PTPRC: variants seen among roughly 807,000 people sequenced by gnomAD.
PTPRC encodes receptor-type tyrosine-protein phosphatase C.
In PTPRC, 44 loss-of-function variants were observed where a neutral mutation model predicts 155.9. That is an observed-to-expected ratio of 0.28 (90% CI 0.22 to 0.36). PTPRC has a LOEUF of 0.36. Among genes scored for constraint, PTPRC ranks in the 10% least tolerant of loss-of-function variants. The probability of loss-of-function intolerance (pLI) is 1.00; values close to 1 mark genes in which losing one functional copy is unlikely to be tolerated. For missense variants in PTPRC, 1,401 were observed against 1,564.6 expected (o/e 0.90, Z 1.76); for synonymous variants, 525 against 533.1 (o/e 0.98, Z 0.21).
intron 2 of PTPRC, among the ~76,000 whole-genome samples, chr1:198,667,354 T>C (rs1664379842): frequency 6.6e-6 from 1 of 152,224 alleles, no homozygotes; most frequent in Admixed American, 6.5e-5. Flanking sequence ...CTTTGGAATG[T>C]TTATCATGTC....
intron 11 of PTPRC, 94 bp downstream of exon 11, chr1:198,709,918 C>A: frequency 6.6e-7 from 1 of 1,508,282 alleles, no homozygotes; most frequent in Non-Finnish European, 9.0e-7. Context: ...TGTCTTTTTG[C>A]TGTTTTTGAT....
At chr1:198,696,191 G>C in intron 3 of PTPRC, among the ~76,000 whole-genome samples, 1 of 148,634 alleles carries the variant, frequency 6.7e-6, no homozygotes. Context: ...TATATAGATA[G>C]ATATTTTTTC....
chr1:198,696,389 A>G (rs1666205779), intron 3 of PTPRC, among the ~76,000 whole-genome samples: 1 of 151,992 alleles, frequency 6.6e-6, no homozygotes, highest in Admixed American at 6.6e-5. Flanking sequence ...TGGATAGGCG[A>G]GAAGCTGCTT....
chr1:198,705,743 T>C (rs533120843), intron 8 of PTPRC, among the ~76,000 whole-genome samples: 1 of 152,246 alleles, frequency 6.6e-6, no homozygotes, highest in South Asian at 2.1e-4. Flanking sequence ...TGTAAACACA[T>C]ACTGTTCCTT....
Position 198,702,443 on chromosome 1 carries a change from T to C in PTPRC, c.496T>C (p.Leu166=), listed in dbSNP as rs1666509142. The C allele has an allele frequency of 6.2e-7, 1 of 1,614,028 alleles. No individual in the cohort carries two copies. The highest frequency in any genetic ancestry group is 1.3e-5 in the African/African-American group (1 of 74,904). Residue 166 remains leucine (L), a synonymous_variant, in exon 6 of 33, where the codon TTG becomes CTG. Transcript: ENST00000442510. ...CTTTCCTACAGACCCAGTTTCCCCATTGACAACCACCCTCAGCCTTGCACA... is the reference window on the plus strand; with the variant it reads ...CTTTCCTACAGACCCAGTTTCCCCACTGACAACCACCCTCAGCCTTGCACA... The part of the protein sequence containing the change: ...STFPTDPVSP[L]TTTLSLAHHS...
At chr1:198,723,876 G>C (rs1360267549) in intron 15 of PTPRC, among the ~76,000 whole-genome samples, 1 of 152,148 alleles carries the variant, frequency 6.6e-6, no homozygotes, top group Non-Finnish European at 1.5e-5. Context: ...CATTCCAAAA[G>C]GAATCAGTAT....
chr1:198,717,159 T>C (rs1223831433), intron 13 of PTPRC, among the ~76,000 whole-genome samples: 1 of 152,252 alleles, frequency 6.6e-6, no homozygotes, highest in Non-Finnish European at 1.5e-5. Flanking sequence ...TTGTCTTTAC[T>C]ATCTGGAAAT....
chr1:198,665,753 G>A (rs1664258244), intron 2 of PTPRC, among the ~76,000 whole-genome samples: 1 of 152,108 alleles, frequency 6.6e-6, no homozygotes, highest in Non-Finnish European at 1.5e-5. Context: ...GTAGTACATG[G>A]TAACAAATGC....
chr1:198,703,258 G>A (rs755099109), intron 6 of PTPRC, 40 bp from the exon 7 acceptor site: 11 of 1,610,378 alleles, frequency 6.8e-6, no homozygotes, highest in Admixed American at 3.3e-5. Flanking sequence ...TTAATATAAC[G>A]AATTAATTAG....
At position 198,756,695 on chromosome 1, in the gene PTPRC, T is replaced by C. The variant is rs1655690632; in HGVS notation, c.*514T>C. Reference sequence around the variant, plus strand: ...TCTACTCATATATATCTATCTTATATAGTTTACTATTTTACTTCTAGAGAT... The same window carrying C: ...TCTACTCATATATATCTATCTTATACAGTTTACTATTTTACTTCTAGAGAT... On this transcript the variant is annotated 3_prime_UTR_variant, in exon 33 of 33. Coordinates refer to ENST00000442510, the MANE Select transcript of PTPRC (RefSeq NM_002838.5). The C allele has an allele frequency of 6.5e-6, 1 of 153,724 alleles. No homozygotes were observed. Among genetic ancestry groups the C allele is most frequent in the Non-Finnish European group, 1.4e-5 (1 of 69,384 alleles). 9.5% of individuals were successfully genotyped at this position (153,724 alleles called of 1,614,324 possible).
At chr1:198,680,287 T>C (rs1487271021) in intron 2 of PTPRC, among the ~76,000 whole-genome samples, 2 of 152,154 alleles carry the variant, frequency 1.3e-5, no homozygotes, top group African/African-American at 4.8e-5. Context: ...GCCCCGTCTC[T>C]ACTGAAAATA....
chr1:198,639,264 C>A lies in PTPRC; in HGVS notation c.-5C>A. 6.2e-7 allele frequency: 1 copy of A among 1,613,220 alleles called. No individual in the cohort carries two copies. The stretch of plus-strand genomic sequence containing the variant: ...GTTTCTTAGGGACACGGCTGACTTC[C>A]AGATATGACCATGTATTTGTGGCTT... On this transcript the variant is annotated 5_prime_UTR_variant, in exon 2 of 33. Coordinates refer to ENST00000442510, the MANE Select transcript of PTPRC (RefSeq NM_002838.5).
rs754320326 is a variant in PTPRC at position 198,757,357 on chromosome 1, T to C, written c.*1176T>C. 2 of 151,834 alleles carry C rather than the reference T, an allele frequency of 1.3e-5. No individual in the cohort carries two copies. Among genetic ancestry groups the C allele is most frequent in the Non-Finnish European group, 2.9e-5 (2 of 67,812 alleles). 9.4% of individuals were successfully genotyped at this position (151,834 alleles called of 1,614,324 possible). A position where few individuals can be genotyped will look rare whatever the true frequency, so the allele number is the denominator to read the frequency against. On this transcript the variant is annotated 3_prime_UTR_variant, in exon 33 of 33. Coordinates refer to ENST00000442510, the MANE Select transcript of PTPRC (RefSeq NM_002838.5). ...ATATGTTTAATGCATTTATTAACAT[T>C]TGCAGGACACTTTTACAGGCCCCAA...
intron 12 of PTPRC, 134 bp downstream of exon 12, chr1:198,713,206 T>C: frequency 1.6e-6 from 2 of 1,250,482 alleles, no homozygotes; most frequent in Non-Finnish European, 2.2e-6. Flanking sequence ...CTCCCTGATC[T>C]TAGAATTGCT....
At chr1:198,663,220 T>C (rs925053230) in intron 2 of PTPRC, among the ~76,000 whole-genome samples, 3 of 152,242 alleles carry the variant, frequency 2.0e-5, no homozygotes, top group East Asian at 1.9e-4. Flanking sequence ...TGAGTACACC[T>C]GCTTCCCTCT....
chr1:198,693,948 A>C, intron 3 of PTPRC: 1 of 1,478,320 alleles, frequency 6.8e-7, no homozygotes, highest in Admixed American at 2.3e-5. Context: ...CAGAACTAAT[A>C]GGTTAGATGT....
intron 2 of PTPRC, among the ~76,000 whole-genome samples, chr1:198,640,767 A>G (rs1344798855): frequency 1.3e-5 from 2 of 152,006 alleles, no homozygotes; most frequent in African/African-American, 2.4e-5. Context: ...TTTGTAAGCC[A>G]GAATATTTTT....
chr1:198,710,862 G>A (rs1207194100), intron 11 of PTPRC, among the ~76,000 whole-genome samples: 4 of 152,138 alleles, frequency 2.6e-5, no homozygotes, highest in Admixed American at 1.3e-4. Flanking sequence ...ATTTTGTTTT[G>A]TTTTGATTTT....
intron 26 of PTPRC, among the ~76,000 whole-genome samples, chr1:198,747,539 T>C (rs1353873484): frequency 6.6e-6 from 1 of 151,722 alleles, no homozygotes; most frequent in Non-Finnish European, 1.5e-5. Context: ...GTTAGGAAAT[T>C]GTTGATGTTT....
Sources: allele counts gnomAD v4.1 joint callset (sites outside exome capture counted in the v4.1 genomes callset), GRCh38; gene constraint gnomAD v4.1.1; transcripts MANE v1.5; gene names NCBI Gene and HGNC (gene_info 2026-07-23, HGNC 2026-07-21).